Variants in ADGRV1 observed in about 807,000 individuals in gnomAD.
ADGRV1 encodes the protein adhesion G protein-coupled receptor V1, also known as G-protein coupled receptor 98.
A neutral mutation model predicts 596.2 loss-of-function variants in ADGRV1; 359 were observed. That is an observed-to-expected ratio of 0.60 (90% CI 0.55 to 0.66). The LOEUF is 0.66. ADGRV1 is among the 30% of genes least tolerant of loss of function. The pLI, the probability that ADGRV1 is intolerant of heterozygous loss-of-function variation, is 0.00. For missense variants in ADGRV1, 7,274 were observed against 7,575.6 expected (o/e 0.96, Z 1.48); for synonymous variants, 2,681 against 2,679.2 (o/e 1.00, Z -0.02).
intron 83 of ADGRV1, among the ~76,000 whole-genome samples, chr5:90,948,749 G>C (rs1266661634): frequency 2.6e-5 from 4 of 152,064 alleles, no homozygotes; most frequent in African/African-American, 9.7e-5. Context: ...CTAACGCAAA[G>C]TCTATTTTAT....
chr5:90,653,524 A>G lies in ADGRV1; in HGVS notation c.3950A>G (p.His1317Arg). ...CCCACCACCGTGCATTTACAACAGC[A>G]CATGCGGCGTCACCACAGTGGAACG... Reference protein sequence around the residue: ...IFPTTVHLQQHMRRHHSGTDA... With the variant: ...IFPTTVHLQQRMRRHHSGTDA... The change falls in exon 20 of 90, where the codon CAC becomes CGC. Residue 1317 changes from histidine (H) to arginine (R), a missense_variant. Physicochemically the swap from His to Arg is conservative, Grantham distance 29. This residue lies in a region of ADGRV1 where 1,715 missense variants were observed against 1,708.8 expected (regional missense o/e 1.00). Coordinates refer to ENST00000405460, the MANE Select transcript of ADGRV1 (RefSeq NM_032119.4). The G allele has an allele frequency of 6.2e-7, 1 of 1,613,938 alleles. No homozygotes were observed. Among genetic ancestry groups the G allele is most frequent in the East Asian group, 2.2e-5 (1 of 44,884 alleles).
intron 83 of ADGRV1, among the ~76,000 whole-genome samples, chr5:90,905,166 A>C (rs1008327412): frequency 6.6e-6 from 1 of 152,096 alleles, no homozygotes; most frequent in African/African-American, 2.4e-5. Flanking sequence ...CAAATCAGGT[A>C]ATGTAATTCC....
At chr5:90,863,642 G>A (rs1767812193) in intron 82 of ADGRV1, 115 bp from the exon 83 acceptor site, 2 of 760,334 alleles carry the variant, frequency 2.6e-6, no homozygotes, top group Admixed American at 1.8e-5. Context: ...AGAGGTACTG[G>A]GCAGAGGCAG....
chr5:90,636,130 C>T (rs1361699882), intron 10 of ADGRV1, among the ~76,000 whole-genome samples: 1 of 152,004 alleles, frequency 6.6e-6, no homozygotes, highest in Non-Finnish European at 1.5e-5. Context: ...ACAAAACGTT[C>T]ACATGCACAG....
chr5:91,151,099 AG>A (rs1424560086), intron 88 of ADGRV1, among the ~76,000 whole-genome samples: 1 of 152,232 alleles, frequency 6.6e-6, no homozygotes, highest in East Asian at 1.9e-4. Flanking sequence ...CAGGAAATCA[AG>A]GTACATCTGT....
Position 90,687,681 on chromosome 5 carries a change from G to T in ADGRV1, c.6490+1686G>T, listed in dbSNP as rs577718328. On this transcript the variant is annotated intron_variant, in intron 29 of 89. Coordinates refer to ENST00000405460, the MANE Select transcript of ADGRV1 (RefSeq NM_032119.4). ...TCTCAGCGCAAAATCTCCTTAAGCT[G>T]ATAAGCAACTTCAGCAAAGTCTCAG... is the stretch of plus-strand genomic sequence containing the variant. 1.2e-4 allele frequency among the ~76,000 whole-genome samples: 19 copies of T among 152,210 alleles called. 1 individual carries two copies. In the South Asian group the frequency reaches 3.9e-3, roughly 32 times the overall value.
rs978714447 is a variant in ADGRV1 at position 90,860,282 on chromosome 5, C to A, written c.17756-3475C>A. Among the ~76,000 whole-genome samples the A allele has an allele frequency of 7.9e-5, 12 of 152,034 alleles. 1 individual carries two copies. In the South Asian group the frequency reaches 2.3e-3, roughly 29 times the overall value. Reference sequence around the variant, plus strand: ...CTTTTATACTGTAAAATGCTTCGTACTGACTTTTGTTCATACTAGAAATCT... The same window carrying A: ...CTTTTATACTGTAAAATGCTTCGTAATGACTTTTGTTCATACTAGAAATCT... On this transcript the variant is annotated intron_variant, in intron 82 of 89. Transcript: ENST00000405460.
intron 87 of ADGRV1, among the ~76,000 whole-genome samples, chr5:91,131,088 A>G (rs536013156): frequency 1.3e-5 from 2 of 152,372 alleles, no homozygotes; most frequent in East Asian, 3.9e-4. Flanking sequence ...ATATGAATGC[A>G]GATGTCTTTT....
At chr5:91,119,881 G>A (rs1582115975) in intron 87 of ADGRV1, among the ~76,000 whole-genome samples, 1 of 152,192 alleles carries the variant, frequency 6.6e-6, no homozygotes, top group Admixed American at 6.5e-5. Context: ...CAGACAGAAG[G>A]ACAGCAGAGA....
chr5:90,984,547 A>G (rs1251720782), intron 84 of ADGRV1, among the ~76,000 whole-genome samples: 1 of 152,176 alleles, frequency 6.6e-6, no homozygotes, highest in Admixed American at 6.6e-5. Context: ...TCAGTAGGAA[A>G]TAACAGATAT....
At chr5:90,853,938 A>T in intron 80 of ADGRV1, 124 bp from the exon 81 acceptor site, 1 of 720,402 alleles carries the variant, frequency 1.4e-6, no homozygotes, top group Non-Finnish European at 2.3e-6. Flanking sequence ...TGAGCTAAAT[A>T]CTAACAGTGA....
intron 1 of ADGRV1, among the ~76,000 whole-genome samples, chr5:90,600,203 G>A (rs1761228813): frequency 6.6e-6 from 1 of 152,024 alleles, no homozygotes; most frequent in Non-Finnish European, 1.5e-5. Flanking sequence ...TGTGCACAAC[G>A]TGTAGGTTTG....
At chr5:91,120,631 T>C (rs530730189) in intron 87 of ADGRV1, among the ~76,000 whole-genome samples, 2 of 152,196 alleles carry the variant, frequency 1.3e-5, no homozygotes, top group South Asian at 2.1e-4. Flanking sequence ...CTCAGGATGA[T>C]CCATCCCCTT....
chr5:91,108,747 T>A (rs938408524), intron 87 of ADGRV1, among the ~76,000 whole-genome samples: 1 of 152,088 alleles, frequency 6.6e-6, no homozygotes, highest in African/African-American at 2.4e-5. Context: ...CATACCACCA[T>A]GCCTGGCTAT....
chr5:91,067,128 G>A (rs1300412410), intron 85 of ADGRV1, among the ~76,000 whole-genome samples: 1 of 148,566 alleles, frequency 6.7e-6, no homozygotes, highest in African/African-American at 2.5e-5. Context: ...TAAGTAGGGA[G>A]AATTGCAAAG....
At chr5:91,122,824 G>T (rs1793440589) in intron 87 of ADGRV1, among the ~76,000 whole-genome samples, 2 of 152,174 alleles carry the variant, frequency 1.3e-5, no homozygotes, top group African/African-American at 2.4e-5. Flanking sequence ...TCTAGCTTGT[G>T]TTCTTTTGCT....
intron 19 of ADGRV1, 40 bp downstream of exon 19, chr5:90,652,603 T>C (rs1273582831): frequency 7.8e-7 from 1 of 1,289,382 alleles, no homozygotes; most frequent in Admixed American, 2.4e-5. Flanking sequence ...TTCCATGTCT[T>C]ATTTATACTA....
rs16869112 is a variant in ADGRV1, at chr5:90,773,490, A to C, written c.12286-696A>C. Among the ~76,000 whole-genome samples, 4,149 of 152,292 alleles carry C rather than the reference A, an allele frequency of 0.027. 275 individuals carry two copies. The East Asian group carries it at 0.28, about 10-fold the overall frequency. On this transcript the variant is annotated intron_variant, in intron 59 of 89. Coordinates refer to ENST00000405460, the MANE Select transcript of ADGRV1 (RefSeq NM_032119.4). ...TATGAGTTACCAGTAATGAGAAACA[A>C]TGTACTATGAGAAAGAAGTATAAAA...
At chr5:90,614,186 G>GA in intron 1 of ADGRV1, 4 of 362,128 alleles carry the variant, frequency 1.1e-5, no homozygotes, top group Admixed American at 4.4e-5. Context: ...AGTTGTCATG[G>GA]AAAAAAAGGA....
Sources: gnomAD v4.1 joint callset for allele counts (sites outside exome capture counted in the v4.1 genomes callset) on GRCh38, gnomAD v4.1.1 for gene constraint, gnomAD v4.1.1 regional missense constraint, MANE v1.5 for transcripts, NCBI Gene and HGNC (gene_info 2026-07-23, HGNC 2026-07-21) for gene names.